Variants in DGKB observed in about 807,000 individuals in gnomAD.
DGKB encodes 90 kDa diacylglycerol kinase.
Under a neutral mutation model 114.3 loss-of-function variants are expected in DGKB, and 67 were observed. The observed-to-expected ratio is 0.59, with a 90% CI of 0.48 to 0.72. DGKB has a LOEUF of 0.72. DGKB is among the 30% of genes least tolerant of loss of function. The pLI, the probability that DGKB is intolerant of heterozygous loss-of-function variation, is 0.00. For synonymous variants in DGKB, 398 were observed against 323.1 expected (o/e 1.23, Z -2.49); for missense variants, 907 against 975.2 (o/e 0.93, Z 0.93).
intron 2 of DGKB, among the ~76,000 whole-genome samples, chr7:14,811,491 A>G (rs1337978902): frequency 6.6e-6 from 1 of 152,254 alleles, no homozygotes; most frequent in East Asian, 1.9e-4. Context: ...ATGAAAACCC[A>G]TGCTTCTCAT....
chr7:14,893,094 AG>A (rs1158446180), intron 1 of DGKB, among the ~76,000 whole-genome samples: 1 of 151,270 alleles, frequency 6.6e-6, no homozygotes, highest in Non-Finnish European at 1.5e-5. Context: ...ATTATTCTCC[AG>A]AAACAGCTCT....
chr7:14,471,105 A>G (rs2128888164), intron 21 of DGKB, among the ~76,000 whole-genome samples: 1 of 150,586 alleles, frequency 6.6e-6, no homozygotes, highest in African/African-American at 2.4e-5. Flanking sequence ...CTCTATAGCA[A>G]AATAGAAAAA....
chr7:14,629,730 A>G (rs1455499002), intron 14 of DGKB, among the ~76,000 whole-genome samples: 2 of 152,062 alleles, frequency 1.3e-5, no homozygotes, highest in South Asian at 2.1e-4. Flanking sequence ...TTCTGACTAT[A>G]TTTTATTCTG....
intron 14 of DGKB, among the ~76,000 whole-genome samples, chr7:14,622,471 G>A (rs1376596453): frequency 6.6e-6 from 1 of 151,944 alleles, no homozygotes; most frequent in East Asian, 1.9e-4. Context: ...ATTTCTACCT[G>A]AGCCTTAATT....
intron 1 of DGKB, among the ~76,000 whole-genome samples, chr7:14,844,690 A>G (rs1426311192): frequency 1.3e-5 from 2 of 152,176 alleles, no homozygotes; most frequent in Non-Finnish European, 2.9e-5. Flanking sequence ...TTGGATGGTC[A>G]TGAACTAGGA....
intron 1 of DGKB, among the ~76,000 whole-genome samples, chr7:14,847,566 C>A (rs1226316668): frequency 6.6e-6 from 1 of 152,192 alleles, no homozygotes; most frequent in Non-Finnish European, 1.5e-5. Context: ...TCATGCCAGA[C>A]ACTGGGGATG....
chr7:14,720,473 T>TTG (rs61654464), intron 5 of DGKB, among the ~76,000 whole-genome samples: 3,824 of 136,446 alleles, frequency 0.028, 64 homozygotes, highest in African/African-American at 0.034. Flanking sequence ...CCCGGCTGAT[T>TTG]TGTGTGTGTG....
intron 21 of DGKB, 64 bp downstream of exon 21, chr7:14,478,097 A>T: frequency 9.4e-7 from 1 of 1,068,962 alleles, no homozygotes; most frequent in Non-Finnish European, 1.4e-6. Context: ...TGTACCATCT[A>T]GTGATCTTTT....
intron 23 of DGKB, among the ~76,000 whole-genome samples, chr7:14,179,219 C>G (rs1782265000): frequency 6.6e-6 from 1 of 152,202 alleles, no homozygotes; most frequent in South Asian, 2.1e-4. Flanking sequence ...GAACTCACAT[C>G]AATAGAATCC....
chr7:14,446,126 T>C (rs980106159), intron 21 of DGKB, among the ~76,000 whole-genome samples: 1 of 152,122 alleles, frequency 6.6e-6, no homozygotes, highest in African/African-American at 2.4e-5. Context: ...GTCAATGTAT[T>C]AGGTACTTCA....
chr7:14,256,343 C>A (rs1795965525), intron 23 of DGKB, among the ~76,000 whole-genome samples: 1 of 151,942 alleles, frequency 6.6e-6, no homozygotes, highest in Admixed American at 6.5e-5. Flanking sequence ...ATTGATTTCT[C>A]AGCTCATTAA....
intron 2 of DGKB, among the ~76,000 whole-genome samples, chr7:14,761,311 C>T (rs543593388): frequency 3.3e-5 from 5 of 152,270 alleles, no homozygotes; most frequent in African/African-American, 1.2e-4. Context: ...AACCTTTCAA[C>T]AGCATTGTTT....
chr7:14,411,415 G>A (rs1231904187), intron 21 of DGKB, among the ~76,000 whole-genome samples: 1 of 152,108 alleles, frequency 6.6e-6, no homozygotes, highest in Non-Finnish European at 1.5e-5. Context: ...GTTGGTAATG[G>A]CCCAGATACG....
chr7:14,711,943 C>T (rs1046399514), intron 6 of DGKB, among the ~76,000 whole-genome samples: 5 of 152,092 alleles, frequency 3.3e-5, no homozygotes, highest in Non-Finnish European at 5.9e-5. Flanking sequence ...CAATACCATC[C>T]GTATGGATAC....
chr7:14,363,604 G>T (rs1051891809), intron 21 of DGKB, among the ~76,000 whole-genome samples: 9 of 151,910 alleles, frequency 5.9e-5, no homozygotes, highest in Non-Finnish European at 1.3e-4. Flanking sequence ...TGTGCTAGTG[G>T]GTTACGGTTA....
chr7:14,922,653 C>G (rs1784566519), intron 1 of DGKB, among the ~76,000 whole-genome samples: 1 of 152,010 alleles, frequency 6.6e-6, no homozygotes, highest in South Asian at 2.1e-4. Flanking sequence ...AAGTTGTTAG[C>G]TAGGATAGTA....
At chr7:14,371,456 G>A (rs1405683009) in intron 21 of DGKB, among the ~76,000 whole-genome samples, 2 of 152,082 alleles carry the variant, frequency 1.3e-5, no homozygotes, top group Admixed American at 6.6e-5. Context: ...TTTGTTGGCA[G>A]CTTATATGGT....
At chr7:14,154,867 A>G (rs1782763813) in intron 25 of DGKB, among the ~76,000 whole-genome samples, 2 of 148,556 alleles carry the variant, frequency 1.3e-5, no homozygotes, top group African/African-American at 4.9e-5. Flanking sequence ...TTTTCGTTAC[A>G]CGTGCATATA....
intron 23 of DGKB, among the ~76,000 whole-genome samples, chr7:14,240,204 A>T (rs1471471766): frequency 6.6e-6 from 1 of 152,050 alleles, no homozygotes; most frequent in East Asian, 1.9e-4. Flanking sequence ...TCTGTTAAAT[A>T]ATTTCTACAT....
Sources: gnomAD v4.1 joint callset for allele counts (sites outside exome capture counted in the v4.1 genomes callset) on GRCh38, gnomAD v4.1.1 for gene constraint, MANE v1.5 for transcripts, NCBI Gene and HGNC (gene_info 2026-07-23, HGNC 2026-07-21) for gene names.